MCPH1: variants seen among roughly 807,000 people sequenced by gnomAD.
MCPH1 encodes the protein microcephalin 1, also known as microcephalin.
A neutral mutation model predicts 84.5 loss-of-function variants in MCPH1; 104 were observed. The observed-to-expected ratio is 1.23, with a 90% CI of 1.05 to 1.45. MCPH1 has a LOEUF of 1.45. MCPH1 is among the 40% of genes most tolerant of loss of function. The pLI is 0.00. For synonymous variants in MCPH1, 514 were observed against 366.8 expected, an observed-to-expected ratio of 1.40 and a Z score of -4.58; for missense variants, 1,498 against 1,005.7, an observed-to-expected ratio of 1.49 and a Z score of -6.62.
At chr8:6,547,240 C>G (rs1388491314) in intron 12 of MCPH1, among the ~76,000 whole-genome samples, 1 of 152,090 alleles carries the variant, frequency 6.6e-6, no homozygotes, top group Non-Finnish European at 1.5e-5. Flanking sequence ...TTGCATGCCA[C>G]AGCAATTCGG....
Position 6,621,491 on chromosome 8 carries a change from A to G in MCPH1, c.2252A>G (p.Tyr751Cys), listed in dbSNP as rs764106599. The G allele has an allele frequency of 6.2e-7, 1 of 1,614,064 alleles. No homozygotes were observed. Among genetic ancestry groups the G allele is most frequent in the South Asian group, 1.1e-5 (1 of 91,074 alleles). ...GAGTGCCACTTGTCTGCAGGGCCGT[A>G]CCGCGGAACCCTCTTTGCCGACCAG... is the stretch of plus-strand genomic sequence containing the variant. ...RSECHLSAGP[Y>C]RGTLFADQPA... is the part of the protein sequence containing the mutation. The change falls in exon 13 of 14, where the codon TAC becomes TGC. Residue 751 changes from tyrosine (Y) to cysteine (C), a missense_variant. By Grantham distance (194) the Tyr-to-Cys change is radical. Coordinates refer to ENST00000344683, the MANE Select transcript of MCPH1 (RefSeq NM_024596.5).
chr8:6,646,600 A>C lies in MCPH1; in HGVS notation c.*3551A>C, dbSNP rs895989803. ...ATGCACAAAAATTAGCTCAACGTGGACTATATCAGGGTTTCTCAACATCAG... is the reference window on the plus strand; with the variant it reads ...ATGCACAAAAATTAGCTCAACGTGGCCTATATCAGGGTTTCTCAACATCAG... On this transcript the variant is annotated 3_prime_UTR_variant, in exon 14 of 14. Coordinates refer to ENST00000344683, the MANE Select transcript of MCPH1 (RefSeq NM_024596.5). 6.6e-6 allele frequency: 1 copy of C among 152,240 alleles called. No homozygotes were observed. The highest frequency in any genetic ancestry group is 2.4e-5 in the African/African-American group (1 of 41,466). The allele number at this position is 152,240 out of a possible 1,614,324, so 9.4% of individuals were successfully genotyped here.
At chr8:6,487,378 G>A (rs1473775460) in intron 11 of MCPH1, among the ~76,000 whole-genome samples, 3 of 152,294 alleles carry the variant, frequency 2.0e-5, no homozygotes, top group South Asian at 2.1e-4. Flanking sequence ...AACACACTCA[G>A]TTCATTCCGT....
At chr8:6,411,167 C>T (rs1405071234) in intron 2 of MCPH1, among the ~76,000 whole-genome samples, 1 of 152,082 alleles carries the variant, frequency 6.6e-6, no homozygotes, top group African/African-American at 2.4e-5. Context: ...ATTTCTTGGG[C>T]ATTTACACAG....
intron 12 of MCPH1, chr8:6,519,890 A>G: frequency 6.2e-7 from 1 of 1,614,008 alleles, no homozygotes; most frequent in Non-Finnish European, 8.5e-7. Flanking sequence ...GAATTAGGGA[A>G]TGTTAACGTG....
intron 12 of MCPH1, among the ~76,000 whole-genome samples, chr8:6,520,877 A>G (rs1054929521): frequency 2.0e-5 from 3 of 152,214 alleles, no homozygotes; most frequent in African/African-American, 7.2e-5. Flanking sequence ...ACCTAAATAA[A>G]TGAATATCGG....
chr8:6,407,189 A>C, intron 1 of MCPH1: 3 of 172,508 alleles, frequency 1.7e-5, no homozygotes, highest in Admixed American at 6.1e-5. Flanking sequence ...GTCCTGTTCG[A>C]CCCCCTCTGA....
At chr8:6,431,955 C>T (rs530577819) in intron 4 of MCPH1, among the ~76,000 whole-genome samples, 2 of 152,336 alleles carry the variant, frequency 1.3e-5, no homozygotes, top group African/African-American at 4.8e-5. Flanking sequence ...GATGGACCTA[C>T]ATCCAAGTGT....
chr8:6,540,977 G>A (rs780685075), intron 12 of MCPH1, among the ~76,000 whole-genome samples: 1 of 152,260 alleles, frequency 6.6e-6, no homozygotes, highest in African/African-American at 2.4e-5. Context: ...CAGGGGGCAG[G>A]TGGAGCCTAG....
chr8:6,423,120 A>G (rs1800483491), intron 3 of MCPH1, among the ~76,000 whole-genome samples: 1 of 149,874 alleles, frequency 6.7e-6, no homozygotes, highest in Non-Finnish European at 1.5e-5. Context: ...CGTGCCTGGC[A>G]AAAGCACACT....
chr8:6,479,911 G>A (rs980147406), intron 10 of MCPH1, among the ~76,000 whole-genome samples: 2 of 152,098 alleles, frequency 1.3e-5, no homozygotes, highest in Non-Finnish European at 2.9e-5. Flanking sequence ...TTGATTTGAT[G>A]ATTTAATAAA....
At chr8:6,642,868 C>A in intron 13 of MCPH1, 126 bp from the exon 14 acceptor site, 1 of 819,118 alleles carries the variant, frequency 1.2e-6, no homozygotes, top group East Asian at 2.6e-5. Context: ...CGTGGGGGGG[C>A]CTATGGACAA....
intron 12 of MCPH1, among the ~76,000 whole-genome samples, chr8:6,596,887 G>A (rs1828970285): frequency 1.3e-5 from 2 of 152,152 alleles, no homozygotes; most frequent in East Asian, 3.8e-4. Context: ...AAATACAGAA[G>A]GACACACAGT....
chr8:6,470,011 G>A (rs1425434358), intron 9 of MCPH1, among the ~76,000 whole-genome samples: 1 of 152,114 alleles, frequency 6.6e-6, no homozygotes, highest in Non-Finnish European at 1.5e-5. Flanking sequence ...TGCTTTTCCT[G>A]TTAAGGAAAA....
At chr8:6,424,498 C>G (rs1054543920) in intron 3 of MCPH1, among the ~76,000 whole-genome samples, 1 of 152,196 alleles carries the variant, frequency 6.6e-6, no homozygotes, top group African/African-American at 2.4e-5. Flanking sequence ...ATCCTACCAG[C>G]AGCCAGCTCC....
At chr8:6,570,809 T>G (rs1268223716) in intron 12 of MCPH1, among the ~76,000 whole-genome samples, 3 of 112,956 alleles carry the variant, frequency 2.7e-5, no homozygotes, top group East Asian at 2.5e-4. Context: ...TGTTGTTTTT[T>G]TTTTTTTTTT....
At position 6,414,760 on chromosome 8, in the gene MCPH1, T is replaced by C. The variant is rs901177891; in HGVS notation, c.115-5T>C. 1.7e-5 allele frequency: 28 copies of C among 1,613,324 alleles called. No individual in the cohort carries two copies. The highest frequency in any genetic ancestry group is 2.4e-5 in the Non-Finnish European group (28 of 1,179,680). The stretch of plus-strand genomic sequence containing the variant: ...TACATTTTGTTTTCTGCATTTTGTC[T>C]ACAGGTTTCAAAAACTTTTAACAAA... On this transcript the variant is annotated splice_region_variant and splice_polypyrimidine_tract_variant and intron_variant, in intron 2 of 13. Transcript: ENST00000344683.
intron 12 of MCPH1, among the ~76,000 whole-genome samples, chr8:6,619,843 C>T (rs1173563855): frequency 2.6e-5 from 4 of 152,218 alleles, no homozygotes; most frequent in African/African-American, 9.7e-5. Context: ...CTCAGCCTCG[C>T]AAAGTGCTGG....
chr8:6,435,915 T>G, intron 4 of MCPH1, 133 bp from the exon 5 acceptor site: 1 of 1,015,232 alleles, frequency 9.8e-7, no homozygotes, highest in Middle Eastern at 2.6e-4. Context: ...TCACATACAG[T>G]GCAAGAAACA....
Sources: gnomAD v4.1 joint callset for allele counts (sites outside exome capture counted in the v4.1 genomes callset) on GRCh38, gnomAD v4.1.1 for gene constraint, MANE v1.5 for transcripts, NCBI Gene and HGNC (gene_info 2026-07-23, HGNC 2026-07-21) for gene names.